Variants in THSD7B observed in about 807,000 individuals in gnomAD.
THSD7B encodes the protein thrombospondin type 1 domain containing 7B, also known as thrombospondin type-1 domain-containing protein 7B.
In THSD7B, 138 loss-of-function variants were observed where a neutral mutation model predicts 213.6. That is an observed-to-expected ratio of 0.65 (90% CI 0.56 to 0.74). THSD7B has a LOEUF of 0.74. Among genes scored for constraint, THSD7B ranks in the 30% least tolerant of loss-of-function variants. The pLI, the probability that THSD7B is intolerant of heterozygous loss-of-function variation, is 0.00. For missense variants in THSD7B, 1,931 were observed against 1,991.5 expected, an observed-to-expected ratio of 0.97 and a Z score of 0.58; for synonymous variants, 742 against 687.0, an observed-to-expected ratio of 1.08 and a Z score of -1.25.
intron 13 of THSD7B, among the ~76,000 whole-genome samples, chr2:137,406,849 A>G (rs541923034): frequency 6.6e-6 from 1 of 152,342 alleles, no homozygotes; most frequent in East Asian, 1.9e-4. Flanking sequence ...ACATGATTTT[A>G]TGCAACATTG....
At chr2:137,511,639 C>T (rs1679962833) in intron 15 of THSD7B, among the ~76,000 whole-genome samples, 1 of 152,124 alleles carries the variant, frequency 6.6e-6, no homozygotes, top group Non-Finnish European at 1.5e-5. Flanking sequence ...CTCTTACTTA[C>T]TGGGTTAGGC....
intron 1 of THSD7B, among the ~76,000 whole-genome samples, chr2:136,772,706 G>T (rs1183619125): frequency 1.3e-5 from 2 of 152,104 alleles, no homozygotes; most frequent in African/African-American, 4.8e-5. Flanking sequence ...CTTGTCTGTT[G>T]TCTTTGCTCT....
chr2:137,286,679 G>A (rs1478647848), intron 12 of THSD7B, among the ~76,000 whole-genome samples: 1 of 151,946 alleles, frequency 6.6e-6, no homozygotes, highest in East Asian at 2.0e-4. Context: ...GATAGTCACA[G>A]CCATTTTTAT....
At chr2:136,820,064 G>C (rs1682543566) in intron 1 of THSD7B, among the ~76,000 whole-genome samples, 1 of 152,078 alleles carries the variant, frequency 6.6e-6, no homozygotes, top group African/African-American at 2.4e-5. Flanking sequence ...GCATTCCTCT[G>C]TAAACTCTCT....
rs565052095 is a variant in THSD7B, at chr2:137,479,653, G to T, written c.3138+28630G>T. Among the ~76,000 whole-genome samples the T allele has an allele frequency of 2.2e-4, 34 of 152,316 alleles. 1 individual carries two copies. The highest frequency in any genetic ancestry group is 3.4e-3 in the Middle Eastern group (1 of 294). The stretch of plus-strand genomic sequence containing the variant: ...CTAAGATTCTCTGGGGATAGTGGGG[G>T]TTGCTGCCAATGGTTCATGTTTTTG... On this transcript the variant is annotated intron_variant, in intron 15 of 27. Transcript: ENST00000409968.
chr2:137,186,899 G>A (rs976007692), intron 7 of THSD7B, among the ~76,000 whole-genome samples: 4 of 151,770 alleles, frequency 2.6e-5, no homozygotes, highest in African/African-American at 9.7e-5. Flanking sequence ...GTGTTTTGTA[G>A]TTCTTTTTAT....
chr2:137,068,263 C>T (rs34952728), intron 3 of THSD7B, among the ~76,000 whole-genome samples: 14,768 of 152,076 alleles, frequency 0.097, 989 homozygotes, highest in African/African-American at 0.19. Context: ...ATTATCTCTT[C>T]TGAGTTCTAG....
intron 7 of THSD7B, among the ~76,000 whole-genome samples, chr2:137,220,839 G>T (rs1048033836): frequency 1.3e-5 from 2 of 152,080 alleles, no homozygotes. Context: ...ATGCTATTCA[G>T]CAACAAAAAA....
rs80329711 is a variant in THSD7B at position 137,547,292 on chromosome 2, T to C, written c.3139-15929T>C. Among the ~76,000 whole-genome samples the C allele has an allele frequency of 8.9e-3, 1,351 of 152,126 alleles. 16 individuals are homozygous for C. The highest frequency in any genetic ancestry group is 9.1e-3 in the Non-Finnish European group (619 of 67,940). ...CTTTCTCCCAGACATGTCAGGTCTG[T>C]TATGGAAGGACTCCCATTAAGTGTT... is the stretch of plus-strand genomic sequence containing the variant. On this transcript the variant is annotated intron_variant, in intron 15 of 27. Transcript: ENST00000409968.
At chr2:136,770,618 G>A (rs989646561) in intron 1 of THSD7B, among the ~76,000 whole-genome samples, 1 of 152,106 alleles carries the variant, frequency 6.6e-6, no homozygotes, top group South Asian at 2.1e-4. Context: ...GAGGCCTTGG[G>A]ACACACTCCA....
intron 1 of THSD7B, among the ~76,000 whole-genome samples, chr2:136,800,479 A>G (rs1435895331): frequency 1.3e-5 from 2 of 152,050 alleles, no homozygotes; most frequent in African/African-American, 4.8e-5. Context: ...GTTGTAGCAT[A>G]GTCCAGCTTG....
intron 4 of THSD7B, among the ~76,000 whole-genome samples, chr2:137,113,584 G>A (rs1361305996): frequency 6.6e-6 from 1 of 152,068 alleles, no homozygotes; most frequent in South Asian, 2.1e-4. Flanking sequence ...TTACAGGCAT[G>A]TGCCACCACA....
At chr2:137,487,369 C>T (rs1218652552) in intron 15 of THSD7B, among the ~76,000 whole-genome samples, 7 of 36,578 alleles carry the variant, frequency 1.9e-4, no homozygotes, top group African/African-American at 7.4e-4. Flanking sequence ...AGCGAGACTC[C>T]GTCTCAAAAA....
chr2:137,016,563 A>T (rs13405111), intron 2 of THSD7B, among the ~76,000 whole-genome samples: 10,785 of 152,098 alleles, frequency 0.071, 418 homozygotes, highest in East Asian at 0.15. Flanking sequence ...CTAGCAGAGA[A>T]AGAGGCACAC....
intron 2 of THSD7B, among the ~76,000 whole-genome samples, chr2:136,989,293 G>A (rs543974272): frequency 9.9e-5 from 15 of 152,206 alleles, no homozygotes; most frequent in African/African-American, 2.2e-4. Context: ...AGGGCCTAGT[G>A]GGAGGTATTT....
chr2:137,218,852 A>T (rs1681305016), intron 7 of THSD7B, among the ~76,000 whole-genome samples: 1 of 152,056 alleles, frequency 6.6e-6, no homozygotes. Flanking sequence ...GACTGAACTA[A>T]ACTTTTAACG....
intron 3 of THSD7B, among the ~76,000 whole-genome samples, chr2:137,084,666 A>G (rs1298876834): frequency 6.6e-6 from 1 of 152,166 alleles, no homozygotes; most frequent in Non-Finnish European, 1.5e-5. Context: ...TTAAGGGTGA[A>G]CTTGAAAGCC....
At chr2:137,526,609 A>G (rs375309256) in intron 15 of THSD7B, among the ~76,000 whole-genome samples, 1 of 152,088 alleles carries the variant, frequency 6.6e-6, no homozygotes, top group South Asian at 2.1e-4. Context: ...TTTTTAGTAG[A>G]GACAGGGTTT....
chr2:137,211,938 T>C (rs1463475020), intron 7 of THSD7B, among the ~76,000 whole-genome samples: 1 of 152,040 alleles, frequency 6.6e-6, no homozygotes, highest in Non-Finnish European at 1.5e-5. Context: ...ATATCTGATA[T>C]GTATCATAGT....
Sources: gnomAD v4.1 joint callset for allele counts (sites outside exome capture counted in the v4.1 genomes callset) on GRCh38, gnomAD v4.1.1 for gene constraint, MANE v1.5 for transcripts, NCBI Gene and HGNC (gene_info 2026-07-23, HGNC 2026-07-21) for gene names.